Variants in FKBP6 observed in about 807,000 individuals in gnomAD.
FKBP6 encodes the protein inactive peptidyl-prolyl cis-trans isomerase FKBP6.
FKBP6 carries 29 observed loss-of-function variants against 41.7 expected under a neutral mutation model. That is an observed-to-expected ratio of 0.70 (90% CI 0.52 to 0.95). The LOEUF (loss-of-function observed/expected upper bound fraction) is 0.95. Ranked by LOEUF, FKBP6 falls within the 40% of genes least tolerant of loss-of-function variation. FKBP6 has a pLI of 0.00. For missense variants in FKBP6, 338 were observed against 408.7 expected, an observed-to-expected ratio of 0.83 and a Z score of 1.49; for synonymous variants, 130 against 165.1, an observed-to-expected ratio of 0.79 and a Z score of 1.63.
At chr7:73,334,119 A>G (rs1554548154) in intron 5 of FKBP6, among the ~76,000 whole-genome samples, 1 of 152,136 alleles carries the variant, frequency 6.6e-6, no homozygotes, top group Non-Finnish European at 1.5e-5. Context: ...AACAACAACA[A>G]CAAAAAAATC....
At chr7:73,346,763 C>G (rs535479123) in intron 8 of FKBP6, among the ~76,000 whole-genome samples, 1 of 152,172 alleles carries the variant, frequency 6.6e-6, no homozygotes, top group Non-Finnish European at 1.5e-5. Flanking sequence ...GGCCTCCCAT[C>G]TGGAACTGAC....
intron 3 of FKBP6, chr7:73,329,817 C>T: frequency 1.9e-6 from 1 of 524,644 alleles, no homozygotes; most frequent in Non-Finnish European, 3.4e-6. Flanking sequence ...GGAGACTGAC[C>T]TGCACTCAGC....
At chr7:73,353,442 C>T (rs1178968) in intron 8 of FKBP6, among the ~76,000 whole-genome samples, 16,998 of 152,256 alleles carry the variant, frequency 0.11, 1,156 homozygotes, top group Middle Eastern at 0.18. Context: ...TCAGCATTCT[C>T]GGCTTAATCC....
chr7:73,343,106 G>A (rs887288531), intron 8 of FKBP6, among the ~76,000 whole-genome samples: 1 of 152,226 alleles, frequency 6.6e-6, no homozygotes. Flanking sequence ...GCCCAGACCT[G>A]TGGGTTAAAT....
intron 5 of FKBP6, 123 bp downstream of exon 5, chr7:73,331,899 T>C: frequency 9.7e-7 from 1 of 1,029,530 alleles, no homozygotes; most frequent in Non-Finnish European, 1.5e-6. Context: ...AGTGTCGCTC[T>C]GTCGCCCAGG....
Position 73,356,969 on chromosome 7 carries a change from C to T in FKBP6, c.*3-1212C>T, listed in dbSNP as rs148120565. Among the ~76,000 whole-genome samples, 11 of 152,126 alleles carry T rather than the reference C, an allele frequency of 7.2e-5. No homozygotes were observed. The East Asian group carries it at 1.9e-3, about 27-fold the overall frequency. ...CTAATTTTTGTATTTTTAGTAGAAA[C>T]GAGGTTTCACCATGTTGGCCAGGCT... On this transcript the variant is annotated intron_variant, in intron 8 of 8. Coordinates refer to ENST00000252037, the MANE Select transcript of FKBP6 (RefSeq NM_003602.5).
chr7:73,356,888 C>T (rs1393390434), intron 8 of FKBP6, among the ~76,000 whole-genome samples: 4 of 152,202 alleles, frequency 2.6e-5, no homozygotes, highest in Admixed American at 6.5e-5. Flanking sequence ...TCAAGCGATT[C>T]TCCTGCCTCA....
intron 4 of FKBP6, among the ~76,000 whole-genome samples, chr7:73,331,054 T>C (rs932110950): frequency 6.6e-6 from 1 of 152,220 alleles, no homozygotes; most frequent in Non-Finnish European, 1.5e-5. Flanking sequence ...CTCACCCTTT[T>C]TCATCATTCT....
intron 8 of FKBP6, among the ~76,000 whole-genome samples, chr7:73,345,949 G>A (rs1355258220): frequency 1.3e-5 from 2 of 152,144 alleles, no homozygotes; most frequent in Non-Finnish European, 2.9e-5. Flanking sequence ...GGGCCTGAGA[G>A]GTGGTTAAAG....
Position 73,328,313 on chromosome 7 carries a change from C to T in FKBP6, c.-116C>T, listed in dbSNP as rs781787587. The T allele has an allele frequency of 5.2e-6, 8 of 1,549,326 alleles. No individual in the cohort carries two copies. The South Asian group carries it at 6.0e-5, about 12-fold the overall frequency. ...TGGCCCCAGAATGGAATGCCGCCGT[C>T]GGTAGGGGTCTGCCGGGCATAAAGG... On this transcript the variant is annotated 5_prime_UTR_variant, in exon 1 of 9. Coordinates refer to ENST00000252037, the MANE Select transcript of FKBP6 (RefSeq NM_003602.5).
intron 5 of FKBP6, among the ~76,000 whole-genome samples, chr7:73,339,549 C>G (rs1805109595): frequency 6.6e-6 from 1 of 150,924 alleles, no homozygotes; most frequent in Non-Finnish European, 1.5e-5. Flanking sequence ...TATGAGTTCT[C>G]CAGCTTTGTC....
In FKBP6 at chr7:73,334,207, G is replaced by A. The variant is rs537573922; in HGVS notation, c.588+2431G>A. Among the ~76,000 whole-genome samples the A allele has an allele frequency of 9.9e-4, 151 of 152,086 alleles. 1 individual carries two copies. The highest frequency in any genetic ancestry group is 1.4e-3 in the Non-Finnish European group (92 of 67,984). ...GTAGAGACGAAGATCGTTTTTCCCC[G>A]GCATTCCTAAATTTTACGGTGATGT... On this transcript the variant is annotated intron_variant, in intron 5 of 8. Transcript: ENST00000252037.
intron 8 of FKBP6, among the ~76,000 whole-genome samples, chr7:73,344,236 T>G (rs1554550000): frequency 6.6e-6 from 1 of 152,236 alleles, no homozygotes; most frequent in African/African-American, 2.4e-5. Flanking sequence ...GACCCAGGTC[T>G]GCCAGGGTCC....
intron 2 of FKBP6, among the ~76,000 whole-genome samples, 194 bp from the exon 3 acceptor site, chr7:73,329,164 CCG>C (rs1554547026): frequency 2.0e-5 from 3 of 152,134 alleles, no homozygotes; most frequent in East Asian, 3.9e-4. Flanking sequence ...TGTGATGCTT[CCG>C]CAAAGCTCTT....
rs144293737 is a variant in FKBP6 at position 73,344,118 on chromosome 7, A to T, written c.*2+1219A>T. ...GGTCTTCAGAACTGAGATGTGAGCC[A>T]GAGGACTTCCCTTGTTTGGTCACTT... On this transcript the variant is annotated intron_variant, in intron 8 of 8. Coordinates refer to ENST00000252037, the MANE Select transcript of FKBP6 (RefSeq NM_003602.5). Among the ~76,000 whole-genome samples, 20 of 152,348 alleles carry T rather than the reference A, an allele frequency of 1.3e-4. No homozygotes were observed. In the East Asian group the frequency reaches 2.9e-3, roughly 22 times the overall value.
intron 5 of FKBP6, among the ~76,000 whole-genome samples, chr7:73,332,036 T>A (rs1435001759): frequency 1.3e-5 from 2 of 152,018 alleles, no homozygotes; most frequent in Non-Finnish European, 2.9e-5. Context: ...GCTAATTTTT[T>A]TGTATTTTTA....
At chr7:73,329,851 G>C (rs1563309765) in intron 3 of FKBP6, 2 of 538,088 alleles carry the variant, frequency 3.7e-6, no homozygotes, top group Non-Finnish European at 6.7e-6. Context: ...TCGGATGAGT[G>C]CCTGGGAGGT....
intron 5 of FKBP6, among the ~76,000 whole-genome samples, chr7:73,339,785 G>T (rs1013144257): frequency 6.6e-6 from 1 of 151,868 alleles, no homozygotes; most frequent in South Asian, 2.1e-4. Context: ...AGCTGATTTC[G>T]TATTTTTAGT....
chr7:73,352,911 C>T (rs1317512821), intron 8 of FKBP6, among the ~76,000 whole-genome samples: 1 of 152,146 alleles, frequency 6.6e-6, no homozygotes, highest in African/African-American at 2.4e-5. Flanking sequence ...GGTCATACAG[C>T]TTCATTTTTT....
Sources: gnomAD v4.1 joint callset for allele counts (sites outside exome capture counted in the v4.1 genomes callset) on GRCh38, gnomAD v4.1.1 for gene constraint, MANE v1.5 for transcripts, NCBI Gene and HGNC (gene_info 2026-07-23, HGNC 2026-07-21) for gene names.